NF1: variants seen among roughly 807,000 people sequenced by gnomAD.
NF1 encodes neurofibromin 1, also known as neurofibromin.
Under a neutral mutation model 325.7 loss-of-function variants are expected in NF1, and 122 were observed. That is an observed-to-expected ratio of 0.37 (90% CI 0.32 to 0.44). The LOEUF (loss-of-function observed/expected upper bound fraction) is 0.44, where lower values mean the gene tolerates loss of function less well. Among genes scored for constraint, NF1 ranks in the 20% least tolerant of loss-of-function variants. NF1 has a pLI of 1.00. For synonymous variants in NF1, 1,091 were observed against 1,186.0 expected (o/e 0.92, Z 1.65); for missense variants, 2,140 against 3,415.4 (o/e 0.63, Z 9.31).
intron 47 of NF1, among the ~76,000 whole-genome samples, chr17:31,342,067 G>C (rs1363169186): frequency 1.3e-5 from 2 of 151,998 alleles, no homozygotes; most frequent in Admixed American, 6.6e-5. Flanking sequence ...AACAGATATG[G>C]GTCTGAAAAA....
At chr17:31,236,694 G>T (rs751265782) in intron 29 of NF1, among the ~76,000 whole-genome samples, 1 of 150,186 alleles carries the variant, frequency 6.7e-6, no homozygotes, top group African/African-American at 2.5e-5. Context: ...CAGGTGATCC[G>T]CCTGCCCTGG....
In NF1 at chr17:31,284,328, C is replaced by G. The variant is rs371036631; in HGVS notation, c.4835+18989C>G. Among the ~76,000 whole-genome samples the G allele has an allele frequency of 9.2e-5, 14 of 151,910 alleles. No individual in the cohort carries two copies. The East Asian group carries it at 2.1e-3, about 23-fold the overall frequency. On this transcript the variant is annotated intron_variant, in intron 36 of 57. Coordinates refer to ENST00000358273, the MANE Select transcript of NF1 (RefSeq NM_001042492.3). ...GATAAAGTCTCACTATGTCACCCAGCCTGGAGTGCAATGGTGAGATCTCAG... is the reference window on the plus strand; with the variant it reads ...GATAAAGTCTCACTATGTCACCCAGGCTGGAGTGCAATGGTGAGATCTCAG...
chr17:31,114,423 A>G (rs191940294), intron 1 of NF1, among the ~76,000 whole-genome samples: 43 of 152,172 alleles, frequency 2.8e-4, no homozygotes, highest in South Asian at 1.5e-3. Flanking sequence ...CTGTAGTCCC[A>G]GCTACTCAGG....
chr17:31,271,714 C>T (rs908979166), intron 36 of NF1, among the ~76,000 whole-genome samples: 3 of 152,090 alleles, frequency 2.0e-5, no homozygotes, highest in East Asian at 3.9e-4. Flanking sequence ...CATGCCATTG[C>T]ACTCCAGCCT....
intron 8 of NF1, among the ~76,000 whole-genome samples, chr17:31,187,019 T>TA (rs1469556322): frequency 6.6e-6 from 1 of 152,194 alleles, no homozygotes; most frequent in East Asian, 1.9e-4. Flanking sequence ...AATAGACACT[T>TA]ACTCCTGATA....
intron 12 of NF1, among the ~76,000 whole-genome samples, chr17:31,208,891 C>CAA (rs965125397): frequency 1.4e-5 from 2 of 147,890 alleles, no homozygotes; most frequent in Non-Finnish European, 3.0e-5. Context: ...GAATCGGTCT[C>CAA]AAAAAAAAAA....
intron 15 of NF1, chr17:31,222,450 A>G: frequency 9.7e-7 from 1 of 1,032,160 alleles, no homozygotes; most frequent in Non-Finnish European, 1.2e-6. Context: ...GCATGAAGTC[A>G]CCACACGGAG....
chr17:31,291,503 T>C (rs550011420), intron 36 of NF1, among the ~76,000 whole-genome samples: 2 of 152,364 alleles, frequency 1.3e-5, no homozygotes, highest in East Asian at 3.9e-4. Flanking sequence ...ATAGTGGGCA[T>C]CCTTGTTTCG....
chr17:31,157,475 T>A (rs1206271499), intron 2 of NF1, among the ~76,000 whole-genome samples: 3 of 152,152 alleles, frequency 2.0e-5, no homozygotes, highest in African/African-American at 7.2e-5. Flanking sequence ...TTTTAGATAA[T>A]TTTTCTCTTG....
At chr17:31,353,874 G>T (rs149552814) in intron 51 of NF1, among the ~76,000 whole-genome samples, 2 of 152,076 alleles carry the variant, frequency 1.3e-5, no homozygotes, top group Non-Finnish European at 2.9e-5. Context: ...CATAAATAAC[G>T]TGCCAGTAAA....
At chr17:31,280,826 C>A (rs1191502283) in intron 36 of NF1, among the ~76,000 whole-genome samples, 5 of 149,638 alleles carry the variant, frequency 3.3e-5, no homozygotes, top group Non-Finnish European at 7.4e-5. Context: ...TCATGTATTA[C>A]TTCGGGGATT....
At position 31,163,383 on chromosome 17, in the gene NF1, GTGT is replaced by G. The variant is rs1907579748; in HGVS notation, c.479+8_479+10del. On this transcript the variant is annotated splice_region_variant and intron_variant, in intron 4 of 57. Transcript: ENST00000358273. ...TTAGTCGCATTTCTACCAGGTTAGT[GTGT>G]AAATCCACATGGGACTACTGAAGTA... 3.7e-6 allele frequency: 6 copies of G among 1,613,656 alleles called. No homozygotes were observed. The highest frequency in any genetic ancestry group is 5.1e-6 in the Non-Finnish European group (6 of 1,179,594).
intron 36 of NF1, chr17:31,304,378 A>T (rs766067355): frequency 1.2e-6 from 2 of 1,614,118 alleles, no homozygotes; most frequent in East Asian, 2.2e-5. Flanking sequence ...TTGGTTTTTC[A>T]TAAAATCTAC....
intron 57 of NF1, 46 bp from the exon 58 acceptor site, chr17:31,373,967 C>T (rs776883786): frequency 6.2e-7 from 1 of 1,613,074 alleles, no homozygotes; most frequent in Non-Finnish European, 8.5e-7. Context: ...GAAATTCAGT[C>T]CTGGAAGGAA....
In NF1 at chr17:31,265,260, G is replaced by T. The variant is rs767438491; in HGVS notation, c.4756G>T (p.Ala1586Ser). The change falls in exon 36 of 58, where the codon GCT (alanine) becomes TCT (serine). Residue 1586 changes from alanine to serine, a missense_variant. Physicochemically the swap from Ala to Ser is moderately conservative, Grantham distance 99 (BLOSUM62 1). Coordinates refer to ENST00000358273, the MANE Select transcript of NF1 (RefSeq NM_001042492.3). ...HQVHEKEEFK[A>S]LKTLSIFYQA... ...GGTACATGAAAAAGAAGAATTCAAG[G>T]CTTTGAAAACGTTAAGTATTTTCTA... The T allele has an allele frequency of 1.9e-6, 3 of 1,613,250 alleles. No homozygotes were observed. The highest frequency in any genetic ancestry group is 2.5e-6 in the Non-Finnish European group (3 of 1,179,506).
intron 36 of NF1, chr17:31,308,000 T>A (rs2068769252): frequency 9.6e-7 from 1 of 1,045,042 alleles, no homozygotes; most frequent in African/African-American, 1.6e-5. Context: ...TTTTTCCCTA[T>A]ACGAATAATT....
chr17:31,200,232 A>ATT (rs35966725), intron 8 of NF1, among the ~76,000 whole-genome samples, 190 bp from the exon 9 acceptor site: 29 of 151,754 alleles, frequency 1.9e-4, no homozygotes, highest in South Asian at 1.0e-3. Flanking sequence ...TAGAAAAAGG[A>ATT]TTTTTTTTAA....
intron 11 of NF1, among the ~76,000 whole-genome samples, chr17:31,202,809 A>G (rs2066553720): frequency 6.6e-6 from 1 of 152,340 alleles, no homozygotes; most frequent in Non-Finnish European, 1.5e-5. Flanking sequence ...CTTAAAAAAA[A>G]TCACTGTACT....
At chr17:31,097,959 G>A (rs539964118) in intron 1 of NF1, among the ~76,000 whole-genome samples, 1 of 151,804 alleles carries the variant, frequency 6.6e-6, no homozygotes, top group Non-Finnish European at 1.5e-5. Flanking sequence ...CCCCCTGCTC[G>A]GCCTCCCGAA....
Sources: allele counts gnomAD v4.1 joint callset (sites outside exome capture counted in the v4.1 genomes callset), GRCh38; gene constraint gnomAD v4.1.1; transcripts MANE v1.5; gene names NCBI Gene and HGNC (gene_info 2026-07-23, HGNC 2026-07-21).